Variants in LRP1B observed in about 807,000 individuals in gnomAD.
LRP1B encodes the protein LDL receptor related protein 1B, also known as low-density lipoprotein receptor-related protein 1B.
Under a neutral mutation model 556.6 loss-of-function variants are expected in LRP1B, and 217 were observed. The observed-to-expected ratio is 0.39, with a 90% CI of 0.35 to 0.44. The LOEUF (loss-of-function observed/expected upper bound fraction) is 0.44. Among genes scored for constraint, LRP1B ranks in the 20% least tolerant of loss-of-function variants. The pLI is 1.00. For synonymous variants in LRP1B, 2,047 were observed against 1,865.8 expected (o/e 1.10, Z -2.50); for missense variants, 5,053 against 5,620.8 (o/e 0.90, Z 3.23).
At chr2:141,728,517 G>A (rs1283857954) in intron 2 of LRP1B, among the ~76,000 whole-genome samples, 1 of 152,038 alleles carries the variant, frequency 6.6e-6, no homozygotes, top group Non-Finnish European at 1.5e-5. Flanking sequence ...TGCAAGTTAA[G>A]CTAATTGTTC....
chr2:142,054,431 T>A (rs1390901660), intron 1 of LRP1B, among the ~76,000 whole-genome samples: 1 of 152,100 alleles, frequency 6.6e-6, no homozygotes, highest in Non-Finnish European at 1.5e-5. Flanking sequence ...CTAGGCAAAT[T>A]ATGTTACGTA....
rs552236192 is a variant in LRP1B, at chr2:140,308,293, T to C, written c.12805+6642A>G. Among the ~76,000 whole-genome samples, 173 of 151,912 alleles carry C rather than the reference T, an allele frequency of 1.1e-3. 2 individuals are homozygous for C. Among genetic ancestry groups the C allele is most frequent in the Non-Finnish European group, 3.0e-4 (20 of 67,784 alleles). ...TTAATGACTATTTAATGTCAAAGTA[T>C]GTAAAAAACCCTCTCTAATATTGGA... is the stretch of plus-strand genomic sequence containing the variant. On this transcript the variant is annotated intron_variant, in intron 83 of 90. Coordinates refer to ENST00000389484, the MANE Select transcript of LRP1B (RefSeq NM_018557.3).
chr2:142,091,822 G>A (rs1706183866), intron 1 of LRP1B, among the ~76,000 whole-genome samples: 1 of 152,164 alleles, frequency 6.6e-6, no homozygotes, highest in South Asian at 2.1e-4. Context: ...AGCTACGGAT[G>A]AGCATGTGAC....
At chr2:141,726,266 A>G (rs1693028754) in intron 2 of LRP1B, among the ~76,000 whole-genome samples, 1 of 151,454 alleles carries the variant, frequency 6.6e-6, no homozygotes, top group Non-Finnish European at 1.5e-5. Context: ...ATACTTGACA[A>G]GATTTGAACC....
chr2:140,738,608 G>A (rs1688029290), intron 35 of LRP1B, among the ~76,000 whole-genome samples: 2 of 152,034 alleles, frequency 1.3e-5, no homozygotes, highest in South Asian at 2.1e-4. Flanking sequence ...GGCAACTTTG[G>A]CTTAAGGACT....
intron 13 of LRP1B, 46 bp downstream of exon 13, chr2:141,015,649 GA>G (rs757088005): frequency 1.1e-5 from 16 of 1,420,494 alleles, no homozygotes; most frequent in Non-Finnish European, 1.4e-5. Flanking sequence ...AAGGCTCTGT[GA>G]AAAAAAGAAG....
chr2:141,544,309 T>TCTTCTTCTTCTTCTTCTTCTTTTCTC (rs1685397940), intron 2 of LRP1B, among the ~76,000 whole-genome samples: 1 of 13,710 alleles, frequency 7.3e-5, no homozygotes, highest in Non-Finnish European at 1.1e-4. Flanking sequence ...TTCTTCTTCT[T>TCTTCTTCTTCTTCTTCTTCTTTTCTC]CTTCTTCTTC....
chr2:141,491,467 G>A (rs1381620864), intron 2 of LRP1B, among the ~76,000 whole-genome samples: 1 of 149,896 alleles, frequency 6.7e-6, no homozygotes, highest in Non-Finnish European at 1.5e-5. Flanking sequence ...TTTTCCTCTT[G>A]TTCTTTGGGA....
At chr2:140,834,479 C>T (rs148066097) in intron 31 of LRP1B, among the ~76,000 whole-genome samples, 1 of 152,204 alleles carries the variant, frequency 6.6e-6, no homozygotes, top group Non-Finnish European at 1.5e-5. Flanking sequence ...ACCTCGTGAT[C>T]TGCACACCTT....
intron 11 of LRP1B, among the ~76,000 whole-genome samples, chr2:141,044,770 A>G (rs1698816696): frequency 6.7e-6 from 1 of 148,744 alleles, no homozygotes; most frequent in Admixed American, 6.7e-5. Context: ...TCAGGAAACA[A>G]CAGGTGCTGG....
At position 140,601,554 on chromosome 2, in the gene LRP1B, T is replaced by C. The variant is rs1682672793; in HGVS notation, c.6885A>G (p.Arg2295=). ...WTSSTTSSIT[R]HTVDQTRPGA... ...CAGGCCGAGTCTGGTCCACAGTGTGTCTGGTGATGGATGAGGTGGTAGAGC... is the reference window on the plus strand; with the variant it reads ...CAGGCCGAGTCTGGTCCACAGTGTGCCTGGTGATGGATGAGGTGGTAGAGC... The change falls in exon 42 of 91, where the codon AGA becomes AGG. Residue 2295 remains arginine, a synonymous_variant. Coordinates refer to ENST00000389484, the MANE Select transcript of LRP1B (RefSeq NM_018557.3). The C allele has an allele frequency of 3.1e-6, 5 of 1,613,260 alleles. No individual in the cohort carries two copies. Among genetic ancestry groups the C allele is most frequent in the Admixed American group, 1.7e-5 (1 of 59,850 alleles).
chr2:141,579,094 C>A (rs537044250), intron 2 of LRP1B, among the ~76,000 whole-genome samples: 2 of 152,104 alleles, frequency 1.3e-5, no homozygotes, highest in Non-Finnish European at 2.9e-5. Flanking sequence ...TTGGATATAC[C>A]TATACATAGG....
intron 41 of LRP1B, among the ~76,000 whole-genome samples, chr2:140,626,214 G>C (rs1683651424): frequency 6.6e-6 from 1 of 152,138 alleles, no homozygotes; most frequent in South Asian, 2.1e-4. Context: ...AGGGATTAAG[G>C]GAGATGGAAG....
intron 14 of LRP1B, among the ~76,000 whole-genome samples, chr2:141,009,576 T>C (rs1697680802): frequency 6.6e-6 from 1 of 151,964 alleles, no homozygotes; most frequent in Non-Finnish European, 1.5e-5. Context: ...AATGTAGTTA[T>C]GATGGTCCTA....
At chr2:140,595,645 C>T (rs1013888447) in intron 43 of LRP1B, among the ~76,000 whole-genome samples, 1 of 151,986 alleles carries the variant, frequency 6.6e-6, no homozygotes, top group Non-Finnish European at 1.5e-5. Context: ...TTGATTTTAG[C>T]TGTCATTTGT....
chr2:140,758,178 G>A (rs1265692722), intron 35 of LRP1B, among the ~76,000 whole-genome samples: 1 of 151,744 alleles, frequency 6.6e-6, no homozygotes, highest in Admixed American at 6.6e-5. Flanking sequence ...CAAAAGTATT[G>A]GAAAGGTTAA....
intron 18 of LRP1B, among the ~76,000 whole-genome samples, chr2:140,965,222 G>A (rs927775805): frequency 6.6e-6 from 1 of 152,100 alleles, no homozygotes; most frequent in African/African-American, 2.4e-5. Context: ...CAGGACCTGT[G>A]GATGTGACTT....
intron 47 of LRP1B, among the ~76,000 whole-genome samples, chr2:140,527,752 A>G (rs1257871267): frequency 6.6e-6 from 1 of 151,852 alleles, no homozygotes; most frequent in African/African-American, 2.4e-5. Flanking sequence ...TTCATATTCA[A>G]TTTTTTTCAA....
chr2:140,757,967 TTG>T (rs2104909002), intron 35 of LRP1B, among the ~76,000 whole-genome samples: 1 of 152,286 alleles, frequency 6.6e-6, no homozygotes, highest in East Asian at 1.9e-4. Context: ...TTAACAGGCA[TTG>T]TTTTCTTGAT....
Sources: gnomAD v4.1 joint callset for allele counts (sites outside exome capture counted in the v4.1 genomes callset) on GRCh38, gnomAD v4.1.1 for gene constraint, MANE v1.5 for transcripts, NCBI Gene and HGNC (gene_info 2026-07-23, HGNC 2026-07-21) for gene names.